The following NFX1 variants were observed in gnomAD, a reference collection of about 807,000 sequenced individuals.
The protein encoded by NFX1 is nuclear transcription factor, X-box binding 1.
A neutral mutation model predicts 137.2 loss-of-function variants in NFX1; 69 were observed. The observed-to-expected ratio is 0.50, with a 90% CI of 0.41 to 0.61. The LOEUF (loss-of-function observed/expected upper bound fraction) is 0.61, where lower values mean the gene tolerates loss of function less well. Ranked by LOEUF, NFX1 falls within the 20% of genes least tolerant of loss-of-function variation. The pLI, the probability that NFX1 is intolerant of heterozygous loss-of-function variation, is 0.00. For missense variants in NFX1, 1,167 were observed against 1,391.0 expected (o/e 0.84, Z 2.56); for synonymous variants, 495 against 474.1 (o/e 1.04, Z -0.57).
rs73476699 is a variant in NFX1 at position 33,316,517 on chromosome 9, C to T, written c.1589-2214C>T. ...TTTCTGTGGATCCCAGTCTCTTCCT[C>T]CTTGTTTCTGTTTAGTTGATTTTTC... On this transcript the variant is annotated intron_variant, in intron 7 of 23. Transcript: ENST00000379540. Among the ~76,000 whole-genome samples the T allele has an allele frequency of 6.4e-3, 970 of 152,210 alleles. 9 individuals are homozygous for T. The highest frequency in any genetic ancestry group is 0.022 in the African/African-American group (934 of 41,548).
At chr9:33,363,017 T>G (rs1824051037) in intron 19 of NFX1, among the ~76,000 whole-genome samples, 1 of 151,728 alleles carries the variant, frequency 6.6e-6, no homozygotes, top group African/African-American at 2.4e-5. Context: ...GTTCTCGTGT[T>G]CTATGGCACA....
At chr9:33,316,638 C>T (rs1822173418) in intron 7 of NFX1, among the ~76,000 whole-genome samples, 2 of 152,152 alleles carry the variant, frequency 1.3e-5, no homozygotes, top group African/African-American at 2.4e-5. Context: ...TTATAATCTT[C>T]TAGGATCCCT....
chr9:33,356,636 A>G (rs768231655), intron 19 of NFX1, among the ~76,000 whole-genome samples: 24 of 152,258 alleles, frequency 1.6e-4, no homozygotes, highest in Non-Finnish European at 3.1e-4. Context: ...TACCTTTCAC[A>G]TTTTAAATCT....
At chr9:33,314,218 A>G (rs1452171105) in intron 7 of NFX1, among the ~76,000 whole-genome samples, 9 of 151,924 alleles carry the variant, frequency 5.9e-5, no homozygotes, top group Admixed American at 6.6e-5. Context: ...TCCTGACCTC[A>G]AGTGATAATG....
intron 4 of NFX1, among the ~76,000 whole-genome samples, chr9:33,303,645 T>C (rs1821653827): frequency 6.6e-6 from 1 of 152,238 alleles, no homozygotes; most frequent in Admixed American, 6.5e-5. Context: ...ATTTTAATCC[T>C]GGAAATAAGT....
At chr9:33,353,508 T>C (rs1047631141) in intron 17 of NFX1, among the ~76,000 whole-genome samples, 3 of 152,124 alleles carry the variant, frequency 2.0e-5, no homozygotes, top group Non-Finnish European at 2.9e-5. Flanking sequence ...ATTGGCTGTG[T>C]TTGAATACCT....
At chr9:33,344,290 C>A in intron 14 of NFX1, 102 bp downstream of exon 14, 1 of 1,512,816 alleles carries the variant, frequency 6.6e-7, no homozygotes. Context: ...GCTGTGATGG[C>A]TGCCCCTTGC....
At chr9:33,353,424 T>TTATA (rs146161975) in intron 17 of NFX1, among the ~76,000 whole-genome samples, 7 of 150,776 alleles carry the variant, frequency 4.6e-5, no homozygotes, top group Admixed American at 2.0e-4. Flanking sequence ...GAATGAATGG[T>TTATA]TATATATATA....
At chr9:33,368,005 G>A (rs1178886463) in intron 23 of NFX1, among the ~76,000 whole-genome samples, 2 of 152,194 alleles carry the variant, frequency 1.3e-5, no homozygotes, top group Non-Finnish European at 2.9e-5. Context: ...AGGCCAAGGC[G>A]GGTGGATCAC....
intron 17 of NFX1, among the ~76,000 whole-genome samples, chr9:33,353,440 C>A (rs1252886947): frequency 6.6e-6 from 1 of 151,858 alleles, no homozygotes; most frequent in African/African-American, 2.4e-5. Context: ...ATATATATAT[C>A]TGGTTAGATG....
chr9:33,317,041 ATATT>A (rs2118367235), intron 7 of NFX1, among the ~76,000 whole-genome samples: 2 of 152,312 alleles, frequency 1.3e-5, no homozygotes, highest in South Asian at 4.1e-4. Context: ...GATTCTACAA[ATATT>A]TATTGTGTTT....
intron 7 of NFX1, 61 bp from the exon 8 acceptor site, chr9:33,318,669 TG>T: frequency 7.0e-7 from 1 of 1,432,600 alleles, no homozygotes; most frequent in Non-Finnish European, 9.8e-7. Context: ...ATAGATTATT[TG>T]TGACATTTTA....
chr9:33,362,084 G>A (rs1217333155), intron 19 of NFX1, among the ~76,000 whole-genome samples: 1 of 146,752 alleles, frequency 6.8e-6, no homozygotes, highest in Non-Finnish European at 1.5e-5. Context: ...TCATGCCACT[G>A]CACTCCAGCC....
intron 23 of NFX1, 148 bp downstream of exon 23, chr9:33,367,767 G>A: frequency 1.5e-6 from 1 of 673,790 alleles, no homozygotes; most frequent in South Asian, 1.8e-5. Context: ...TTTAGTTAGG[G>A]TATCAGACAC....
intron 9 of NFX1, among the ~76,000 whole-genome samples, chr9:33,325,222 G>GAGA (rs1245383911): frequency 6.6e-6 from 1 of 152,128 alleles, no homozygotes; most frequent in Non-Finnish European, 1.5e-5. Flanking sequence ...TAATGATAAG[G>GAGA]AGAAAGTCTT....
At position 33,369,915 on chromosome 9, in the gene NFX1, G is replaced by A. The variant is rs772076541; in HGVS notation, c.3300G>A (p.Gly1100=). 1 of 1,613,234 alleles carries A rather than the reference G, an allele frequency of 6.2e-7. No individual in the cohort carries two copies. Among genetic ancestry groups the A allele is most frequent in the Admixed American group, 1.7e-5 (1 of 60,020 alleles). The change falls in exon 24 of 24, where the codon GGG becomes GGA. Residue 1100 remains glycine, a synonymous_variant. Transcript: ENST00000379540. ...TTTGTTTGTTTTTCAGGAATCCTGG[G>A]AGCAGTAATTTACAGAAAATAACCA... ...HHRHQSDKNP[G]SSNLQKITKE... is the part of the protein sequence containing the mutation.
intron 4 of NFX1, 72 bp downstream of exon 4, chr9:33,303,340 GC>G (rs1276676583): frequency 4.6e-6 from 6 of 1,313,578 alleles, no homozygotes; most frequent in Non-Finnish European, 6.6e-6. Flanking sequence ...AAGGTGGTCT[GC>G]GGGGCATGTT....
At chr9:33,336,377 G>A (rs541867996) in intron 11 of NFX1, among the ~76,000 whole-genome samples, 5 of 151,918 alleles carry the variant, frequency 3.3e-5, no homozygotes, top group South Asian at 2.1e-4. Flanking sequence ...CACCGCGCCC[G>A]GCTAATTTTT....
At chr9:33,322,377 G>C (rs1587840089) in intron 9 of NFX1, among the ~76,000 whole-genome samples, 1 of 152,054 alleles carries the variant, frequency 6.6e-6, no homozygotes, top group South Asian at 2.1e-4. Context: ...CTCCACTCAG[G>C]ATAAGTGTGG....
Sources: gnomAD v4.1 joint callset for allele counts (sites outside exome capture counted in the v4.1 genomes callset) on GRCh38, gnomAD v4.1.1 for gene constraint, MANE v1.5 for transcripts, NCBI Gene and HGNC (gene_info 2026-07-23, HGNC 2026-07-21) for gene names.